Variants in KCNK9 observed in about 807,000 individuals in gnomAD.
KCNK9 encodes potassium two pore domain channel subfamily K member 9.
A neutral mutation model predicts 10.8 loss-of-function variants in KCNK9; 1 was observed. That is an observed-to-expected ratio of 0.09 (90% CI 0.03 to 0.44). KCNK9 has a LOEUF of 0.44. KCNK9 is among the 20% of genes least tolerant of loss of function. The pLI is 0.97. For synonymous variants in KCNK9, 231 were observed against 222.7 expected, an observed-to-expected ratio of 1.04 and a Z score of -0.33; for missense variants, 303 against 515.0, an observed-to-expected ratio of 0.59 and a Z score of 3.98.
chr8:139,694,007 C>T (rs1816992781), intron 1 of KCNK9, among the ~76,000 whole-genome samples: 1 of 152,166 alleles, frequency 6.6e-6, no homozygotes. Context: ...CAGCCTGTGG[C>T]CCCCAAAGCC....
chr8:139,686,575 T>C (rs1816794138), intron 1 of KCNK9, among the ~76,000 whole-genome samples: 1 of 152,220 alleles, frequency 6.6e-6, no homozygotes, highest in Non-Finnish European at 1.5e-5. Flanking sequence ...TCAACAACCT[T>C]GAGGTCGATT....
At chr8:139,634,103 G>A (rs1314490471) in intron 1 of KCNK9, among the ~76,000 whole-genome samples, 1 of 152,268 alleles carries the variant, frequency 6.6e-6, no homozygotes, top group African/African-American at 2.4e-5. Flanking sequence ...ACCCAGGGCT[G>A]GGACAGCTTA....
intron 1 of KCNK9, among the ~76,000 whole-genome samples, chr8:139,675,635 C>T (rs564147488): frequency 6.6e-6 from 1 of 152,318 alleles, no homozygotes; most frequent in Non-Finnish European, 1.5e-5. Context: ...GCTGTTGTTT[C>T]TGAGCTCCCC....
chr8:139,671,177 TG>T (rs1285934181), intron 1 of KCNK9, among the ~76,000 whole-genome samples: 2 of 152,250 alleles, frequency 1.3e-5, no homozygotes, highest in Non-Finnish European at 2.9e-5. Flanking sequence ...TAGAAGCTCA[TG>T]TGCAGAGGAG....
chr8:139,641,143 C>T (rs1815493661), intron 1 of KCNK9, among the ~76,000 whole-genome samples: 1 of 152,196 alleles, frequency 6.6e-6, no homozygotes, highest in Non-Finnish European at 1.5e-5. Flanking sequence ...AGGGTGCCTT[C>T]CAGTGGGTCC....
chr8:139,661,497 AC>A (rs1477669184), intron 1 of KCNK9, among the ~76,000 whole-genome samples: 3 of 152,206 alleles, frequency 2.0e-5, no homozygotes, highest in Non-Finnish European at 4.4e-5. Context: ...TGCCCTCGTC[AC>A]AGCCCTGGGA....
At chr8:139,619,657 A>G (rs541697823) in intron 1 of KCNK9, among the ~76,000 whole-genome samples, 4 of 152,282 alleles carry the variant, frequency 2.6e-5, no homozygotes, top group African/African-American at 9.6e-5. Flanking sequence ...AACCATAATG[A>G]TTCCAACCCC....
chr8:139,640,843 G>A (rs778976287), intron 1 of KCNK9, among the ~76,000 whole-genome samples: 6 of 152,268 alleles, frequency 3.9e-5, no homozygotes, highest in Non-Finnish European at 8.8e-5. Context: ...ACGTTCTGCG[G>A]TTGCAGACGT....
intron 1 of KCNK9, among the ~76,000 whole-genome samples, chr8:139,629,869 C>A (rs192670264): frequency 6.6e-6 from 1 of 152,150 alleles, no homozygotes; most frequent in Non-Finnish European, 1.5e-5. Context: ...TCCTAAAGGC[C>A]CCATCTCCAA....
At chr8:139,695,277 T>C (rs1266242312) in intron 1 of KCNK9, among the ~76,000 whole-genome samples, 1 of 152,194 alleles carries the variant, frequency 6.6e-6, no homozygotes, top group African/African-American at 2.4e-5. Context: ...AGAAGTATAT[T>C]GTGTAGACAA....
chr8:139,673,144 T>C (rs532471482), intron 1 of KCNK9, among the ~76,000 whole-genome samples: 1 of 151,930 alleles, frequency 6.6e-6, no homozygotes, highest in Non-Finnish European at 1.5e-5. Context: ...GGAACTGGGC[T>C]CAAAACCTTG....
intron 1 of KCNK9, among the ~76,000 whole-genome samples, chr8:139,687,462 A>G (rs1399672382): frequency 7.0e-6 from 1 of 142,966 alleles, no homozygotes; most frequent in Non-Finnish European, 1.5e-5. Context: ...ATATATATTC[A>G]TATATTCATA....
At chr8:139,646,877 T>A (rs948933486) in intron 1 of KCNK9, among the ~76,000 whole-genome samples, 16 of 152,260 alleles carry the variant, frequency 1.1e-4, no homozygotes, top group African/African-American at 3.9e-4. Context: ...AGCAGCCAGC[T>A]GTGGCTCCCC....
At chr8:139,631,136 AGGAATCATCTG>A (rs1387776804) in intron 1 of KCNK9, among the ~76,000 whole-genome samples, 2 of 152,278 alleles carry the variant, frequency 1.3e-5, no homozygotes, top group Non-Finnish European at 2.9e-5. Context: ...TCCAGAACGC[AGGAATCATCTG>A]GGAAAAGTCG....
chr8:139,681,135 G>A (rs151185103), intron 1 of KCNK9, among the ~76,000 whole-genome samples: 4 of 152,256 alleles, frequency 2.6e-5, no homozygotes, highest in African/African-American at 4.8e-5. Flanking sequence ...GTGGCCAAGC[G>A]CCTTCCACAT....
At chr8:139,650,408 T>A (rs1815827664) in intron 1 of KCNK9, among the ~76,000 whole-genome samples, 1 of 152,128 alleles carries the variant, frequency 6.6e-6, no homozygotes, top group Admixed American at 6.5e-5. Flanking sequence ...ACTATGATTA[T>A]GAACAGAGCA....
intron 1 of KCNK9, among the ~76,000 whole-genome samples, chr8:139,686,718 C>T (rs1404480639): frequency 6.6e-6 from 1 of 152,150 alleles, no homozygotes; most frequent in Non-Finnish European, 1.5e-5. Flanking sequence ...AGTCTGGCTC[C>T]AAAACTCATT....
At chr8:139,633,195 C>T (rs1055152561) in intron 1 of KCNK9, among the ~76,000 whole-genome samples, 1 of 152,134 alleles carries the variant, frequency 6.6e-6, no homozygotes, top group Admixed American at 6.5e-5. Flanking sequence ...ATACACATGA[C>T]ATGCTTACAT....
intron 1 of KCNK9, among the ~76,000 whole-genome samples, chr8:139,649,584 A>G (rs935606581): frequency 6.0e-5 from 9 of 151,238 alleles, no homozygotes; most frequent in African/African-American, 2.2e-4. Flanking sequence ...GTCTACTCCC[A>G]CTCCTGGGCC....
Sources: gnomAD v4.1 joint callset for allele counts (sites outside exome capture counted in the v4.1 genomes callset) on GRCh38, gnomAD v4.1.1 for gene constraint, MANE v1.5 for transcripts, NCBI Gene and HGNC (gene_info 2026-07-23, HGNC 2026-07-21) for gene names.